The following AFG3L2 variants were observed in gnomAD, a reference collection of about 807,000 sequenced individuals.
AFG3L2 encodes the protein AFG3 like matrix AAA peptidase subunit 2, also known as mitochondrial inner membrane m-AAA protease component AFG3L2.
AFG3L2 carries 54 observed loss-of-function variants against 94.5 expected under a neutral mutation model. That is an observed-to-expected ratio of 0.57 (90% CI 0.46 to 0.72). AFG3L2 has a LOEUF of 0.72. Among genes scored for constraint, AFG3L2 ranks in the 30% least tolerant of loss-of-function variants. The pLI is 0.00. For missense variants in AFG3L2, 754 were observed against 994.9 expected, an observed-to-expected ratio of 0.76 and a Z score of 3.26; for synonymous variants, 377 against 365.5, an observed-to-expected ratio of 1.03 and a Z score of -0.36.
intron 6 of AFG3L2, 50 bp from the exon 7 acceptor site, chr18:12,360,101 G>A (rs774010384): frequency 2.5e-6 from 4 of 1,578,170 alleles, no homozygotes; most frequent in South Asian, 1.1e-5. Flanking sequence ...AAACTAAAAG[G>A]TTCAATTCAC....
chr18:12,360,181 T>C (rs1908616559), intron 6 of AFG3L2, 130 bp from the exon 7 acceptor site: 1 of 879,466 alleles, frequency 1.1e-6, no homozygotes, highest in African/African-American at 1.7e-5. Flanking sequence ...TAAACAATAA[T>C]AAAAGACTGG....
intron 13 of AFG3L2, 58 bp from the exon 14 acceptor site, chr18:12,344,305 A>G (rs1908054426): frequency 1.4e-6 from 2 of 1,384,028 alleles, no homozygotes; most frequent in East Asian, 2.3e-5. Context: ...TGACATTAAA[A>G]GACAGTTATA....
At chr18:12,356,399 A>C (rs544549712) in intron 9 of AFG3L2, among the ~76,000 whole-genome samples, 1 of 152,062 alleles carries the variant, frequency 6.6e-6, no homozygotes, top group South Asian at 2.1e-4. Flanking sequence ...CGTTCCACCC[A>C]CTTCAGCCTT....
At chr18:12,352,762 GC>G (rs1908357601) in intron 10 of AFG3L2, among the ~76,000 whole-genome samples, 1 of 152,042 alleles carries the variant, frequency 6.6e-6, no homozygotes, top group Non-Finnish European at 1.5e-5. Flanking sequence ...TTTAGGGAAT[GC>G]TTTTTTTTGT....
chr18:12,329,849 T>C, intron 16 of AFG3L2, 66 bp from the exon 17 acceptor site: 2 of 1,409,082 alleles, frequency 1.4e-6, no homozygotes, highest in Non-Finnish European at 2.0e-6. Context: ...ATATTAATTT[T>C]TTATTTACAG....
chr18:12,339,471 G>A (rs1176071994), intron 15 of AFG3L2, among the ~76,000 whole-genome samples: 1 of 149,448 alleles, frequency 6.7e-6, no homozygotes, highest in African/African-American at 2.5e-5. Flanking sequence ...AGAATTGCTT[G>A]AACCCAGGAG....
intron 1 of AFG3L2, among the ~76,000 whole-genome samples, chr18:12,373,397 C>T (rs1390576630): frequency 6.6e-6 from 1 of 152,146 alleles, no homozygotes; most frequent in African/African-American, 2.4e-5. Context: ...AGAACCAGTT[C>T]CCACCCCTAA....
In AFG3L2 at chr18:12,340,206, C is replaced by T; in HGVS notation, c.1975G>A (p.Ala659Thr). 1 of 1,612,760 alleles carries T rather than the reference C, an allele frequency of 6.2e-7. No homozygotes were observed. Among genetic ancestry groups the T allele is most frequent in the East Asian group, 2.2e-5 (1 of 44,858 alleles). ...DLRKVTQSAY[A>T]QIVQFGMNEK... ...GCACTCTTTCATATACTCACTTGGG[C>T]ATATGCACTCTGAGTTACTTTTCTC... Residue 659 changes from alanine (A) to threonine (T), a missense_variant, in exon 15 of 17, where the codon GCC (alanine) becomes ACC (threonine). By Grantham distance (58) the Ala-to-Thr change is moderately conservative. This residue lies in a region of AFG3L2 where 279 missense variants were observed against 378.6 expected (regional missense o/e 0.74). Transcript: ENST00000269143.
At chr18:12,330,746 C>A (rs1907497458) in intron 16 of AFG3L2, among the ~76,000 whole-genome samples, 1 of 151,698 alleles carries the variant, frequency 6.6e-6, no homozygotes, top group African/African-American at 2.4e-5. Context: ...CCATTGCACT[C>A]CAGCAGCCTG....
intron 7 of AFG3L2, 63 bp from the exon 8 acceptor site, chr18:12,359,006 T>C (rs1908579124): frequency 6.4e-7 from 1 of 1,556,860 alleles, no homozygotes; most frequent in African/African-American, 1.4e-5. Context: ...TCACATGTGG[T>C]GCAAGATATC....
intron 16 of AFG3L2, among the ~76,000 whole-genome samples, chr18:12,329,990 T>C (rs185320702): frequency 5.9e-5 from 9 of 152,364 alleles, no homozygotes; most frequent in African/African-American, 1.9e-4. Flanking sequence ...TACATTTCCA[T>C]ACTAGACATA....
At chr18:12,376,607 G>T (rs966540147) in intron 1 of AFG3L2, among the ~76,000 whole-genome samples, 4 of 152,348 alleles carry the variant, frequency 2.6e-5, no homozygotes, top group Admixed American at 2.0e-4. Context: ...ACTACATCGT[G>T]CTCGTGCTGC....
chr18:12,375,293 C>T (rs1258420936), intron 1 of AFG3L2, among the ~76,000 whole-genome samples: 12 of 147,636 alleles, frequency 8.1e-5, no homozygotes, highest in Admixed American at 8.1e-4. Flanking sequence ...CCGTCACCCA[C>T]GCTGGAGTAC....
At chr18:12,336,222 C>T (rs1156842172) in intron 16 of AFG3L2, among the ~76,000 whole-genome samples, 5 of 152,218 alleles carry the variant, frequency 3.3e-5, no homozygotes, top group African/African-American at 1.2e-4. Flanking sequence ...TAATTACCAG[C>T]CATTATTATG....
chr18:12,367,662 T>G (rs932550946), intron 3 of AFG3L2, among the ~76,000 whole-genome samples: 1 of 152,210 alleles, frequency 6.6e-6, no homozygotes, highest in Admixed American at 6.5e-5. Flanking sequence ...GGAGAAAGTA[T>G]AGCTTAAGTA....
chr18:12,372,146 A>C (rs1036700914), intron 1 of AFG3L2, among the ~76,000 whole-genome samples: 1 of 152,084 alleles, frequency 6.6e-6, no homozygotes, highest in Non-Finnish European at 1.5e-5. Context: ...TCTACTAAAA[A>C]TACAAAAATT....
At chr18:12,354,861 C>T (rs1312579839) in intron 9 of AFG3L2, among the ~76,000 whole-genome samples, 1 of 151,682 alleles carries the variant, frequency 6.6e-6, no homozygotes, top group Non-Finnish European at 1.5e-5. Flanking sequence ...ACACCCAACT[C>T]CCCCTCATTC....
chr18:12,342,818 A>C (rs886956269), intron 14 of AFG3L2: 1 of 152,176 alleles, frequency 6.6e-6, no homozygotes, highest in Non-Finnish European at 1.5e-5. Context: ...CTGTGAACCA[A>C]AAGTTTGTGG....
At chr18:12,368,020 A>G (rs1908862040) in intron 3 of AFG3L2, among the ~76,000 whole-genome samples, 1 of 151,984 alleles carries the variant, frequency 6.6e-6, no homozygotes, top group Non-Finnish European at 1.5e-5. Flanking sequence ...ATACAAAATT[A>G]GCTGGGCATG....
Sources: allele counts gnomAD v4.1 joint callset (sites outside exome capture counted in the v4.1 genomes callset), GRCh38; gene constraint gnomAD v4.1.1; regional missense constraint gnomAD v4.1.1; transcripts MANE v1.5; gene names NCBI Gene and HGNC (gene_info 2026-07-23, HGNC 2026-07-21).